Variants in NCMAP observed in about 807,000 individuals in gnomAD.
NCMAP encodes the protein noncompact myelin-associated protein.
In NCMAP, 8 loss-of-function variants were observed where a neutral mutation model predicts 7.8. The ratio of observed to expected loss-of-function variants is 1.02; its 90% CI spans 0.60 to 1.84. The LOEUF (loss-of-function observed/expected upper bound fraction) is 1.84, where lower values mean the gene tolerates loss of function less well. Among genes scored for constraint, NCMAP ranks in the 40% most tolerant of loss-of-function variants. The pLI is 0.00. For synonymous variants in NCMAP, 41 were observed against 52.9 expected (o/e 0.78, Z 0.98); for missense variants, 112 against 131.4 (o/e 0.85, Z 0.72).
intron 1 of NCMAP, among the ~76,000 whole-genome samples, chr1:24,564,910 A>G (rs937388907): frequency 1.2e-4 from 18 of 152,322 alleles, no homozygotes; most frequent in Non-Finnish European, 2.1e-4. Context: ...TCAATCCAGA[A>G]TTTTAAAGCC....
At chr1:24,604,804 C>G (rs1196558845) in intron 3 of NCMAP, among the ~76,000 whole-genome samples, 3 of 150,014 alleles carry the variant, frequency 2.0e-5, no homozygotes, top group Non-Finnish European at 4.4e-5. Context: ...CATGGTGAAA[C>G]CCCATCTACA....
At chr1:24,590,734 A>G (rs1652023149) in intron 1 of NCMAP, among the ~76,000 whole-genome samples, 1 of 152,140 alleles carries the variant, frequency 6.6e-6, no homozygotes, top group African/African-American at 2.4e-5. Context: ...CAGCCTCCCA[A>G]GTAGTGGGGA....
At chr1:24,571,878 G>A (rs921659280) in intron 1 of NCMAP, among the ~76,000 whole-genome samples, 12 of 150,888 alleles carry the variant, frequency 8.0e-5, no homozygotes, top group Admixed American at 2.6e-4. Flanking sequence ...AAGCCACCGC[G>A]CCTGGAAGAA....
At chr1:24,586,478 C>T (rs1651885363) in intron 1 of NCMAP, among the ~76,000 whole-genome samples, 1 of 152,156 alleles carries the variant, frequency 6.6e-6, no homozygotes, top group African/African-American at 2.4e-5. Context: ...AAAGTTCCTT[C>T]ACGGCTGGGC....
chr1:24,594,217 C>G (rs1163090929), intron 1 of NCMAP, among the ~76,000 whole-genome samples: 1 of 152,030 alleles, frequency 6.6e-6, no homozygotes, highest in Non-Finnish European at 1.5e-5. Context: ...ATCATCGTGC[C>G]TAGATTATGG....
intron 1 of NCMAP, among the ~76,000 whole-genome samples, chr1:24,558,474 C>T (rs184757739): frequency 6.6e-6 from 1 of 152,266 alleles, no homozygotes; most frequent in Admixed American, 6.5e-5. Flanking sequence ...TGTCCCCATC[C>T]CCTCTCTCAC....
chr1:24,602,312 T>C (rs995811444), intron 3 of NCMAP, among the ~76,000 whole-genome samples: 2 of 151,518 alleles, frequency 1.3e-5, no homozygotes, highest in African/African-American at 4.9e-5. Context: ...TATAAGAATA[T>C]GAATATTATC....
At chr1:24,582,691 T>C (rs192680616) in intron 1 of NCMAP, among the ~76,000 whole-genome samples, 26 of 152,344 alleles carry the variant, frequency 1.7e-4, no homozygotes, top group Admixed American at 7.8e-4. Context: ...GCTAACACTT[T>C]GATTTTAGCC....
At chr1:24,562,260 G>A (rs2809962) in intron 1 of NCMAP, among the ~76,000 whole-genome samples, 3 of 152,044 alleles carry the variant, frequency 2.0e-5, no homozygotes, top group African/African-American at 7.3e-5. Flanking sequence ...ATTTTTGAGA[G>A]CCTTTAATGT....
chr1:24,575,967 G>A (rs1651546683), intron 1 of NCMAP, among the ~76,000 whole-genome samples: 1 of 146,838 alleles, frequency 6.8e-6, no homozygotes, highest in African/African-American at 2.5e-5. Flanking sequence ...CTGGAGAGGA[G>A]AAGAAAGCGC....
chr1:24,574,748 C>G (rs1268551171), intron 1 of NCMAP, among the ~76,000 whole-genome samples: 1 of 151,760 alleles, frequency 6.6e-6, no homozygotes, highest in African/African-American at 2.4e-5. Flanking sequence ...GAACCCTGAA[C>G]CAGCAGTACC....
At chr1:24,599,797 C>G (rs1034400679) in intron 2 of NCMAP, among the ~76,000 whole-genome samples, 2 of 127,226 alleles carry the variant, frequency 1.6e-5, no homozygotes, top group Admixed American at 1.0e-4. Context: ...AGGCTGGTCT[C>G]GAACTCCTGA....
At chr1:24,580,658 G>A (rs1651717445) in intron 1 of NCMAP, among the ~76,000 whole-genome samples, 1 of 152,202 alleles carries the variant, frequency 6.6e-6, no homozygotes, top group Admixed American at 6.5e-5. Flanking sequence ...ACCATGTTTT[G>A]TCAAGTTCCA....
chr1:24,567,650 C>T (rs1651265859), intron 1 of NCMAP, among the ~76,000 whole-genome samples: 2 of 152,140 alleles, frequency 1.3e-5, no homozygotes, highest in South Asian at 2.1e-4. Flanking sequence ...AGGAAACAGG[C>T]ATGGAGGCTA....
At chr1:24,571,709 C>G (rs1651394098) in intron 1 of NCMAP, among the ~76,000 whole-genome samples, 1 of 149,772 alleles carries the variant, frequency 6.7e-6, no homozygotes, top group Non-Finnish European at 1.5e-5. Context: ...CCTCAGCCTC[C>G]CGAGTAGCTG....
intron 1 of NCMAP, among the ~76,000 whole-genome samples, chr1:24,593,795 G>T (rs947151013): frequency 2.0e-5 from 3 of 151,848 alleles, no homozygotes; most frequent in Non-Finnish European, 2.9e-5. Flanking sequence ...AGTGCCACTC[G>T]GAAATAATGA....
chr1:24,589,290 C>T (rs9727931), intron 1 of NCMAP, among the ~76,000 whole-genome samples: 1 of 151,740 alleles, frequency 6.6e-6, no homozygotes, highest in Non-Finnish European at 1.5e-5. Flanking sequence ...GTCTTAGGGA[C>T]GTTTGATACT....
intron 1 of NCMAP, among the ~76,000 whole-genome samples, chr1:24,559,977 T>C (rs894174223): frequency 6.6e-6 from 1 of 151,846 alleles, no homozygotes; most frequent in African/African-American, 2.4e-5. Flanking sequence ...CTGGCTAACA[T>C]GGTGAAACCC....
chr1:24,585,625 G>A (rs1320923375), intron 1 of NCMAP, among the ~76,000 whole-genome samples: 1 of 152,154 alleles, frequency 6.6e-6, no homozygotes, highest in African/African-American at 2.4e-5. Context: ...GAAGGGAGAG[G>A]ACTTTCCAGG....
Sources: gnomAD v4.1 joint callset for allele counts (sites outside exome capture counted in the v4.1 genomes callset) on GRCh38, gnomAD v4.1.1 for gene constraint, MANE v1.5 for transcripts, NCBI Gene and HGNC (gene_info 2026-07-23, HGNC 2026-07-21) for gene names.